The following HDAC5 variants were observed in gnomAD, a reference collection of about 807,000 sequenced individuals.
The protein encoded by HDAC5 is histone deacetylase 5.
Under a neutral mutation model 133.3 loss-of-function variants are expected in HDAC5, and 25 were observed. The observed-to-expected ratio is 0.19, with a 90% CI of 0.14 to 0.26. HDAC5 has a LOEUF of 0.26. HDAC5 is among the 10% of genes least tolerant of loss of function. The pLI is 1.00. For synonymous variants in HDAC5, 589 were observed against 610.8 expected (o/e 0.96, Z 0.53); for missense variants, 1,041 against 1,460.5 (o/e 0.71, Z 4.68).
chr17:44,087,391 G>A (rs953220787), intron 13 of HDAC5, 21 bp downstream of exon 13: 2 of 800,242 alleles, frequency 2.5e-6, no homozygotes, highest in Non-Finnish European at 4.5e-6. Flanking sequence ...ACCAAGGACT[G>A]GGACCAGGGA....
chr17:44,100,578 C>CAAAAAAAAAAAAAAAAA, intron 3 of HDAC5, among the ~76,000 whole-genome samples: 1 of 89,374 alleles, frequency 1.1e-5, no homozygotes, highest in Non-Finnish European at 2.2e-5. Context: ...ACTAAAGATA[C>CAAAAAAAAAAAAAAAAA]AAAAAAAAAA....
intron 24 of HDAC5, 69 bp from the exon 25 acceptor site, chr17:44,078,948 C>G (rs2050248769): frequency 6.5e-7 from 1 of 1,545,376 alleles, no homozygotes; most frequent in Non-Finnish European, 8.9e-7. Flanking sequence ...TCTAACTGCC[C>G]CACTCAGCCC....
intron 3 of HDAC5, among the ~76,000 whole-genome samples, chr17:44,094,739 TGTAC>T (rs753386899): frequency 3.5e-5 from 3 of 85,890 alleles, no homozygotes; most frequent in Non-Finnish European, 9.7e-5. Flanking sequence ...TATATATGTG[TGTAC>T]GTATGTGTGT....
Position 44,108,751 on chromosome 17 carries a change from C to CAA in HDAC5, c.94+1976_94+1977dup, listed in dbSNP as rs773575696. 1.4e-3 allele frequency among the ~76,000 whole-genome samples: 77 copies of CAA among 56,906 alleles called. 2 individuals carry two copies. Among genetic ancestry groups the CAA allele is most frequent in the African/African-American group, 2.7e-3 (49 of 18,412 alleles). The allele number at this position is 56,906 out of a possible 152,430, so 37.3% of individuals were successfully genotyped here. On this transcript the variant is annotated intron_variant, in intron 3 of 26. Coordinates refer to ENST00000682912, the MANE Select transcript of HDAC5 (RefSeq NM_005474.5). ...AAACATCTATTTACATTCCAGAGTCCAAAAAAAAAACAAAAAAAAAACAAA... is the reference window on the plus strand; with the variant it reads ...AAACATCTATTTACATTCCAGAGTCCAAAAAAAAAAAACAAAAAAAAAACAAA...
intron 24 of HDAC5, 46 bp from the exon 25 acceptor site, chr17:44,078,925 C>A: frequency 6.3e-7 from 1 of 1,581,528 alleles, no homozygotes; most frequent in East Asian, 2.2e-5. Context: ...AGTAGGGTTG[C>A]CATGCATACC....
chr17:44,088,318 T>C (rs1020724485), intron 12 of HDAC5, 69 bp downstream of exon 12: 3 of 1,504,142 alleles, frequency 2.0e-6, no homozygotes, highest in Non-Finnish European at 2.7e-6. Flanking sequence ...AGGACTTTTC[T>C]GCCAGCCTGG....
At chr17:44,101,465 C>T (rs979764154) in intron 3 of HDAC5, among the ~76,000 whole-genome samples, 1 of 147,200 alleles carries the variant, frequency 6.8e-6, no homozygotes, top group Non-Finnish European at 1.5e-5. Flanking sequence ...CCCCAGAAAG[C>T]TAGGAGGAGG....
rs1230866919 is a variant in HDAC5, at chr17:44,080,323, A to G, written c.2825+78T>C. On this transcript the variant is annotated intron_variant, in intron 22 of 26. Coordinates refer to ENST00000682912, the MANE Select transcript of HDAC5 (RefSeq NM_005474.5). ...AGACAACCCCCTCTACCCACACTGA[A>G]CTGAGTGCCTTCTGCCCCTCCCACT... The G allele has an allele frequency of 5.8e-6, 9 of 1,549,678 alleles. No individual in the cohort carries two copies. The Admixed American group carries it at 1.3e-4, about 23-fold the overall frequency.
At chr17:44,080,012 T>A (rs994331259) in intron 23 of HDAC5, 95 bp downstream of exon 23, 1 of 904,898 alleles carries the variant, frequency 1.1e-6, no homozygotes, top group Admixed American at 1.7e-5. Flanking sequence ...GCTTTCCCCG[T>A]CTGCTGCAAT....
rs2052743786 is a variant in HDAC5, at chr17:44,117,869, T to C, written c.-189-165A>G. 2.0e-5 allele frequency among the ~76,000 whole-genome samples: 3 copies of C among 152,170 alleles called. No homozygotes were observed. The highest frequency in any genetic ancestry group is 6.5e-5 in the Admixed American group (1 of 15,284). ...GCAGAACTGGATAGACCCTGGTTTCTTATCTTACTAACTGATGAGGCTCCC... is the reference window on the plus strand; with the variant it reads ...GCAGAACTGGATAGACCCTGGTTTCCTATCTTACTAACTGATGAGGCTCCC... On this transcript the variant is annotated intron_variant, in intron 1 of 26. Transcript: ENST00000682912. The surrounding 1 kb of genome is among the most constrained non-coding windows in gnomAD (Gnocchi z 4.2).
chr17:44,093,364 C>G lies in HDAC5; in HGVS notation c.476G>C (p.Arg159Pro). The G allele has an allele frequency of 1.3e-6, 2 of 1,581,332 alleles. No homozygotes were observed. Among genetic ancestry groups the G allele is most frequent in the Non-Finnish European group, 1.7e-6 (2 of 1,167,234 alleles). The change falls in exon 5 of 27, where the codon CGG (arginine) becomes CCG (proline). Residue 159 changes from arginine (R) to proline (P), a missense_variant. Transcript: ENST00000682912. The stretch of plus-strand genomic sequence containing the variant: ...CAGGATGAGCAGCTGCTGCTCCAGC[C>G]GCTGCTTCTCCAGCTCTTCCTGCCG... ...QQRQEELEKQRLEQQLLILRN... is the reference protein window; with the variant it reads ...QQRQEELEKQPLEQQLLILRN...
rs758326711 is a variant in HDAC5 at position 44,092,703 on chromosome 17, G to T, written c.745C>A (p.Arg249=). 2.4e-5 allele frequency: 36 copies of T among 1,515,190 alleles called. No individual in the cohort carries two copies. In the African/African-American group the frequency reaches 5.0e-4, roughly 21 times the overall value. The allele number at this position is 1,515,190 out of a possible 1,614,324, so 93.9% of individuals were successfully genotyped here. A position where few individuals can be genotyped will look rare whatever the true frequency, so the allele number is the denominator to read the frequency against. Residue 249 remains arginine, a synonymous_variant, in exon 7 of 27, where the codon CGA becomes AGA. Transcript: ENST00000682912. ...GTTTTGCGGAGGGGGAAGTCGTCTCGACTGTCGTAGGGCCCAGGCAAAGGC... is the reference window on the plus strand; with the variant it reads ...GTTTTGCGGAGGGGGAAGTCGTCTCTACTGTCGTAGGGCCCAGGCAAAGGC... ...KLPLPGPYDS[R]DDFPLRKTAS...
At chr17:44,104,643 G>A (rs1469311218) in intron 3 of HDAC5, among the ~76,000 whole-genome samples, 2 of 152,212 alleles carry the variant, frequency 1.3e-5, no homozygotes, top group Non-Finnish European at 1.5e-5. Context: ...CCTCCAGGAA[G>A]GGCCACTCTG....
At chr17:44,116,449 G>C (rs1183014172) in intron 2 of HDAC5, among the ~76,000 whole-genome samples, 1 of 152,182 alleles carries the variant, frequency 6.6e-6, no homozygotes, top group Non-Finnish European at 1.5e-5. Flanking sequence ...GGATGATGGG[G>C]AAGAAAATGT....
intron 18 of HDAC5, 57 bp downstream of exon 18, chr17:44,083,488 T>C (rs2050495244): frequency 7.8e-7 from 1 of 1,275,652 alleles, no homozygotes; most frequent in South Asian, 1.2e-5. Context: ...CCCTGTCCTC[T>C]GCCTCTGAGG....
chr17:44,119,446 C>T (rs750914760), intron 1 of HDAC5, among the ~76,000 whole-genome samples: 2 of 152,222 alleles, frequency 1.3e-5, no homozygotes, highest in Non-Finnish European at 2.9e-5. Flanking sequence ...CCCCTAGCCC[C>T]CATCATCCTA....
chr17:44,108,950 G>A (rs1228108538), intron 3 of HDAC5, among the ~76,000 whole-genome samples: 3 of 151,726 alleles, frequency 2.0e-5, no homozygotes, highest in Non-Finnish European at 4.4e-5. Context: ...GCCAGCCAGC[G>A]TTGGGGGTGG....
intron 24 of HDAC5, 66 bp downstream of exon 24, chr17:44,079,078 G>A: frequency 1.3e-6 from 2 of 1,581,830 alleles, no homozygotes; most frequent in East Asian, 2.3e-5. Context: ...TCCCAGTGCT[G>A]GCTGACCCCT....
In HDAC5 at chr17:44,123,200, G is replaced by C. The variant is rs559840225; in HGVS notation, c.-190+304C>G. On this transcript the variant is annotated intron_variant, in intron 1 of 26. Coordinates refer to ENST00000682912, the MANE Select transcript of HDAC5 (RefSeq NM_005474.5). ...AGGGGCAAATCAGACAACCCCGGCC[G>C]GTCTCCGAGCCATTTGGGGGCGCAG... 28 of 246,206 alleles carry C rather than the reference G, an allele frequency of 1.1e-4. No homozygotes were observed. In the East Asian group the frequency reaches 2.2e-3, roughly 20 times the overall value. 15.3% of individuals were successfully genotyped at this position (246,206 alleles called of 1,614,324 possible).
Sources: gnomAD v4.1 joint callset for allele counts (sites outside exome capture counted in the v4.1 genomes callset) on GRCh38, gnomAD v4.1.1 for gene constraint, Gnocchi (gnomAD v3.1) non-coding constraint, MANE v1.5 for transcripts, NCBI Gene and HGNC (gene_info 2026-07-23, HGNC 2026-07-21) for gene names.